NSUN4: variants seen among roughly 807,000 people sequenced by gnomAD.
NSUN4 encodes NOP2/Sun RNA methyltransferase 4.
NSUN4 carries 31 observed loss-of-function variants against 43.8 expected under a neutral mutation model. The observed-to-expected ratio is 0.71, with a 90% CI of 0.53 to 0.96. The LOEUF is 0.96. Among genes scored for constraint, NSUN4 ranks in the 40% least tolerant of loss-of-function variants. The pLI, the probability that NSUN4 is intolerant of heterozygous loss-of-function variation, is 0.00. For missense variants in NSUN4, 439 were observed against 475.6 expected (o/e 0.92, Z 0.72); for synonymous variants, 167 against 184.1 (o/e 0.91, Z 0.75).
Position 46,357,382 on chromosome 1 carries a change from C to T in NSUN4, c.754-3322C>T, listed in dbSNP as rs117065456. On this transcript the variant is annotated intron_variant, in intron 4 of 5. Transcript: ENST00000474844. ...ATTTTTTGTGGAGACGGGGTTTTGTCATATTGCCCAGGCTGGTCTCGAAAT... is the reference window on the plus strand; with the variant it reads ...ATTTTTTGTGGAGACGGGGTTTTGTTATATTGCCCAGGCTGGTCTCGAAAT... Among the ~76,000 whole-genome samples, 85 of 152,326 alleles carry T rather than the reference C, an allele frequency of 5.6e-4. 1 individual carries two copies. The East Asian group carries it at 0.014, about 25-fold the overall frequency.
At chr1:46,341,046 TC>T in intron 1 of NSUN4, 127 bp downstream of exon 1, 1 of 1,110,326 alleles carries the variant, frequency 9.0e-7, no homozygotes, top group Non-Finnish European at 1.3e-6. Flanking sequence ...CTTAGGCACC[TC>T]CCTCTCTCGT....
At chr1:46,342,429 C>T (rs1387478581) in intron 1 of NSUN4, 2 of 399,022 alleles carry the variant, frequency 5.0e-6, no homozygotes, top group Non-Finnish European at 8.8e-6. Context: ...GGCCTACATA[C>T]CTACCCCTGG....
chr1:46,376,030 G>A, the NSUN4 span, among the ~76,000 whole-genome samples: 1 of 145,054 alleles, frequency 6.9e-6, no homozygotes, highest in Non-Finnish European at 1.5e-5. Context: ...TTGAACCCAG[G>A]AGGTGGAGGT....
intron 1 of NSUN4, chr1:46,342,073 C>G: frequency 1.6e-6 from 1 of 644,792 alleles, no homozygotes; most frequent in Non-Finnish European, 2.2e-6. Context: ...ACTTGCCTCA[C>G]GATTTCACCT....
At chr1:46,384,361 A>G in the NSUN4 span, among the ~76,000 whole-genome samples, 16 of 152,212 alleles carry the variant, frequency 1.1e-4, no homozygotes, top group African/African-American at 3.9e-4. Context: ...GCTTCTCTGG[A>G]TAAGGTGGAG....
chr1:46,361,229 T>G (rs865893124), intron 5 of NSUN4, among the ~76,000 whole-genome samples: 1 of 152,188 alleles, frequency 6.6e-6, no homozygotes, highest in Non-Finnish European at 1.5e-5. Flanking sequence ...TGACTCATGC[T>G]ATTTCATCCT....
downstream of NSUN4, among the ~76,000 whole-genome samples, chr1:46,368,290 C>G (rs966828721): frequency 6.6e-6 from 1 of 152,132 alleles, no homozygotes; most frequent in Non-Finnish European, 1.5e-5. Flanking sequence ...CATCCTGTCC[C>G]AGTACAATGT....
At chr1:46,368,475 C>T (rs541987760), downstream of NSUN4, among the ~76,000 whole-genome samples, 7 of 152,252 alleles carry the variant, frequency 4.6e-5, no homozygotes, top group Admixed American at 2.6e-4. Flanking sequence ...AGCTCTTCTG[C>T]GGCTCTGTGA....
the NSUN4 span, among the ~76,000 whole-genome samples, chr1:46,376,512 C>G: frequency 6.6e-6 from 1 of 151,642 alleles, no homozygotes; most frequent in Admixed American, 6.6e-5. Context: ...TTTTCACTGA[C>G]TCAAGATGTA....
At chr1:46,342,256 A>G (rs1662167667) in intron 1 of NSUN4, 3 of 399,192 alleles carry the variant, frequency 7.5e-6, no homozygotes, top group Non-Finnish European at 4.4e-6. Context: ...AGCTTTTACC[A>G]TGGCAGCCTT....
chr1:46,346,887 G>T lies in NSUN4; in HGVS notation c.438-34G>T, dbSNP rs182427978. 2.8e-4 allele frequency: 453 copies of T among 1,595,178 alleles called. 4 individuals carry two copies. In the African/African-American group the frequency reaches 4.9e-3, roughly 17 times the overall value. On this transcript the variant is annotated intron_variant, in intron 2 of 5. Coordinates refer to ENST00000474844, the MANE Select transcript of NSUN4 (RefSeq NM_199044.4). ...GACTCCCAGTGGGTGTCCTGACCTG[G>T]AATTTAACAATAAAGTGGTCTCCTC...
At chr1:46,352,476 GGGAGAGAAAGAAAA>G (rs1402244453) in intron 3 of NSUN4, among the ~76,000 whole-genome samples, 9 of 150,238 alleles carry the variant, frequency 6.0e-5, no homozygotes, top group South Asian at 2.1e-4. Flanking sequence ...AGGAAAGAGA[GGGAGAGAAAGAAAA>G]GGAGAGAAAG....
intron 3 of NSUN4, among the ~76,000 whole-genome samples, chr1:46,348,665 C>T (rs1187088712): frequency 2.2e-5 from 3 of 138,952 alleles, no homozygotes; most frequent in Non-Finnish European, 4.5e-5. Context: ...GCTGAGATCA[C>T]GCCATTGCAC....
chr1:46,356,745 C>T (rs1362247788), intron 4 of NSUN4, among the ~76,000 whole-genome samples: 1 of 152,062 alleles, frequency 6.6e-6, no homozygotes, highest in African/African-American at 2.4e-5. Flanking sequence ...TCTACATACT[C>T]TTGGTAACTC....
At chr1:46,376,765 G>T in the NSUN4 span, among the ~76,000 whole-genome samples, 1 of 146,760 alleles carries the variant, frequency 6.8e-6, no homozygotes, top group Admixed American at 6.8e-5. Context: ...CACTTACTAG[G>T]TTTTTTTTTT....
intron 4 of NSUN4, among the ~76,000 whole-genome samples, chr1:46,358,324 T>A (rs1222715230): frequency 1.3e-5 from 2 of 151,238 alleles, no homozygotes; most frequent in African/African-American, 4.9e-5. Flanking sequence ...TCGAACTCCT[T>A]ACCTCAGGTG....
intron 4 of NSUN4, among the ~76,000 whole-genome samples, chr1:46,354,377 G>A (rs879544218): frequency 6.6e-6 from 1 of 151,996 alleles, no homozygotes; most frequent in Non-Finnish European, 1.5e-5. Flanking sequence ...GGGATTATAG[G>A]TGTGAGCCAC....
At chr1:46,346,406 G>T (rs372646382) in intron 2 of NSUN4, among the ~76,000 whole-genome samples, 1 of 151,760 alleles carries the variant, frequency 6.6e-6, no homozygotes, top group Admixed American at 6.6e-5. Context: ...CAAAAAATTA[G>T]CTGGGCATGG....
At chr1:46,345,230 A>T (rs908269200) in intron 2 of NSUN4, 86 bp downstream of exon 2, 3 of 989,044 alleles carry the variant, frequency 3.0e-6, no homozygotes, top group African/African-American at 3.2e-5. Flanking sequence ...CTCTGTAATA[A>T]GGACCATAAT....
Sources: allele counts gnomAD v4.1 joint callset (sites outside exome capture counted in the v4.1 genomes callset), GRCh38; gene constraint gnomAD v4.1.1; transcripts MANE v1.5; gene names NCBI Gene and HGNC (gene_info 2026-07-23, HGNC 2026-07-21).